PDLIM7: variants seen among roughly 807,000 people sequenced by gnomAD.
The protein encoded by PDLIM7 is PDZ and LIM domain 7, also known as PDZ and LIM domain protein 7.
In PDLIM7, 37 loss-of-function variants were observed where a neutral mutation model predicts 53.9. The observed-to-expected ratio is 0.69, with a 90% CI of 0.53 to 0.90. The LOEUF (loss-of-function observed/expected upper bound fraction) is 0.90, where lower values mean the gene tolerates loss of function less well. Ranked by LOEUF, PDLIM7 falls within the 40% of genes least tolerant of loss-of-function variation. PDLIM7 has a pLI of 0.00. For missense variants in PDLIM7, 617 were observed against 638.5 expected, an observed-to-expected ratio of 0.97 and a Z score of 0.36; for synonymous variants, 300 against 261.3, an observed-to-expected ratio of 1.15 and a Z score of -1.43.
intron 7 of PDLIM7, 134 bp from the exon 8 acceptor site, chr5:177,489,966 C>G: frequency 6.5e-7 from 1 of 1,536,252 alleles, no homozygotes; most frequent in South Asian, 1.2e-5. Flanking sequence ...CCAGGTCCCA[C>G]TGGGGTAGGG....
chr5:177,494,736 C>G (rs1182813908), intron 2 of PDLIM7, among the ~76,000 whole-genome samples: 4 of 152,038 alleles, frequency 2.6e-5, no homozygotes, highest in Non-Finnish European at 4.4e-5. Context: ...CCAGAGGAAC[C>G]AAGGAGGGAA....
At position 177,496,453 on chromosome 5, in the gene PDLIM7, C is replaced by T; in HGVS notation, c.60G>A (p.Gly20=). The part of the protein sequence containing the change: ...GPAPWGFRLQ[G]GKDFNVPLSI... ...AGAGGGGCACATTGAAGTCCTTGCC[C>T]CCTTGCAGCCGGAAGCCCCAAGGTG... The change falls in exon 2 of 13, where the codon GGG becomes GGA. Residue 20 remains glycine (G), a synonymous_variant. Coordinates refer to ENST00000355841, the MANE Select transcript of PDLIM7 (RefSeq NM_005451.5). 1 of 1,604,436 alleles carries T rather than the reference C, an allele frequency of 6.2e-7. No homozygotes were observed. Among genetic ancestry groups the T allele is most frequent in the Non-Finnish European group, 8.5e-7 (1 of 1,175,352 alleles).
chr5:177,486,724 T>C (rs372897838), intron 10 of PDLIM7, among the ~76,000 whole-genome samples: 132 of 151,896 alleles, frequency 8.7e-4, no homozygotes, highest in South Asian at 3.1e-3. Context: ...CTGCAAGCTC[T>C]GCCTCCCAGG....
intron 5 of PDLIM7, 127 bp from the exon 6 acceptor site, chr5:177,491,273 A>G: frequency 7.0e-7 from 1 of 1,431,664 alleles, no homozygotes; most frequent in African/African-American, 1.4e-5. Context: ...TGAGGCCAGG[A>G]GCCCTGCTGG....
chr5:177,489,253 C>T lies in PDLIM7; in HGVS notation c.869+140G>A. 10 of 685,328 alleles carry T rather than the reference C, an allele frequency of 1.5e-5. No homozygotes were observed. In the South Asian group the frequency reaches 1.6e-4, roughly 11 times the overall value. The allele number at this position is 685,328 out of a possible 1,614,324, so 42.5% of individuals were successfully genotyped here. ...TGGGATTAAGAATGGGAGGACCCAG[C>T]CCAGGTCCCTACTCCTACTCCAGCT... On this transcript the variant is annotated intron_variant, in intron 9 of 12. Transcript: ENST00000355841.
At chr5:177,484,277 C>T (rs1758327120) in intron 10 of PDLIM7, 87 bp from the exon 11 acceptor site, 1 of 1,529,802 alleles carries the variant, frequency 6.5e-7, no homozygotes, top group Non-Finnish European at 8.9e-7. Flanking sequence ...TGGCCGCAAG[C>T]CCTGTTCCTT....
Position 177,484,143 on chromosome 5 carries a change from G to A in PDLIM7, c.1098C>T (p.Thr366=), listed in dbSNP as rs1036041936. 10 of 1,613,828 alleles carry A rather than the reference G, an allele frequency of 6.2e-6. No homozygotes were observed. Among genetic ancestry groups the A allele is most frequent in the South Asian group, 1.1e-5 (1 of 91,090 alleles). ...GGATGGGCGTCTTGCAGGCAGCACAGGTAAAGCAGTGCACGTGCCAGGTCA... is the reference window on the plus strand; with the variant it reads ...GGATGGGCGTCTTGCAGGCAGCACAAGTAAAGCAGTGCACGTGCCAGGTCA... The part of the protein sequence containing the change: ...LKMTWHVHCF[T]CAACKTPIRN... Residue 366 remains threonine (T), a synonymous_variant, in exon 11 of 13, where the codon ACC becomes ACT. Transcript: ENST00000355841.
chr5:177,484,381 C>T (rs1297454456), intron 10 of PDLIM7, 191 bp from the exon 11 acceptor site: 20 of 628,666 alleles, frequency 3.2e-5, no homozygotes, highest in Non-Finnish European at 4.4e-5. Context: ...CGCCTTCAGA[C>T]TTGCCATGTC....
chr5:177,491,750 GCGTGGGGCCA>G (rs1758798630), intron 5 of PDLIM7, 47 bp downstream of exon 5: 12 of 843,284 alleles, frequency 1.4e-5, no homozygotes, highest in Non-Finnish European at 2.0e-5. Flanking sequence ...CGGGCAGCGG[GCGTGGGGCCA>G]CAGTGGGCCT....
rs1758647204 is a variant in PDLIM7, at chr5:177,489,683, G to A, written c.635-56C>T. 6.0e-6 allele frequency: 9 copies of A among 1,500,782 alleles called. No individual in the cohort carries two copies. In the South Asian group the frequency reaches 7.7e-5, roughly 13 times the overall value. 93.0% of individuals were successfully genotyped at this position (1,500,782 alleles called of 1,614,324 possible). A position where few individuals can be genotyped will look rare whatever the true frequency, so the allele number is the denominator to read the frequency against. On this transcript the variant is annotated intron_variant, in intron 8 of 12. Coordinates refer to ENST00000355841, the MANE Select transcript of PDLIM7 (RefSeq NM_005451.5). ...CCAGGGACCCCAAAGGACGGGGGTG[G>A]AGCCCCAGGCAGCTGAGAGAAGCCC...
At chr5:177,496,061 A>G (rs1332907477) in intron 2 of PDLIM7, among the ~76,000 whole-genome samples, 2 of 152,094 alleles carry the variant, frequency 1.3e-5, no homozygotes, top group African/African-American at 2.4e-5. Context: ...CTATAGTCAC[A>G]GTGTCCTGCC....
At position 177,492,431 on chromosome 5, in the gene PDLIM7, G is replaced by A. The variant is rs1473630061; in HGVS notation, c.253C>T (p.Gln85Ter). 6.2e-7 allele frequency: 1 copy of A among 1,613,672 alleles called. No individual in the cohort carries two copies. The highest frequency in any genetic ancestry group is 8.5e-7 in the Non-Finnish European group (1 of 1,179,790). Residue 85 changes from glutamine to a stop codon, truncating the protein, a stop_gained, in exon 4 of 13, where the codon CAG becomes TAG. Coordinates refer to ENST00000355841, the MANE Select transcript of PDLIM7 (RefSeq NM_005451.5). LOFTEE classifies it high-confidence loss of function. The part of the protein sequence containing the change: ...ERLSLGLSRA[Q>*]PVQSKPQKAS... The stretch of plus-strand genomic sequence containing the variant: ...TTCTGCGGTTTGCTCTGAACCGGCT[G>A]GGCCCTGGAGGAGAAGGAAAGCGTG...
intron 7 of PDLIM7, 175 bp downstream of exon 7, chr5:177,490,695 A>T (rs1758710419): frequency 2.1e-6 from 2 of 943,932 alleles, no homozygotes; most frequent in African/African-American, 3.4e-5. Context: ...GAAATGAAAG[A>T]AGGAAGGAAG....
intron 4 of PDLIM7, 127 bp downstream of exon 4, chr5:177,492,278 A>C: frequency 3.2e-6 from 4 of 1,241,082 alleles, no homozygotes; most frequent in Non-Finnish European, 4.5e-6. Context: ...GACCCGCCTT[A>C]GCTCCGGTTT....
Position 177,483,486 on chromosome 5 carries a change from G to A in PDLIM7, c.*158C>T. The A allele has an allele frequency of 1.7e-6, 1 of 598,288 alleles. No individual in the cohort carries two copies. Among genetic ancestry groups the A allele is most frequent in the Non-Finnish European group, 3.0e-6 (1 of 333,064 alleles). 37.1% of individuals were successfully genotyped at this position (598,288 alleles called of 1,614,324 possible). On this transcript the variant is annotated 3_prime_UTR_variant, in exon 13 of 13. Coordinates refer to ENST00000355841, the MANE Select transcript of PDLIM7 (RefSeq NM_005451.5). ...GCTGTGGTGGTGGAGGGAGTGGGGT[G>A]GGAGGATAAGGTGGGTGGGGCAGGG...
intron 7 of PDLIM7, chr5:177,490,296 C>T (rs1292594824): frequency 4.8e-6 from 7 of 1,443,462 alleles, no homozygotes; most frequent in African/African-American, 1.4e-5. Context: ...ACCTGGCAGA[C>T]AGCAGTACCA....
intron 10 of PDLIM7, among the ~76,000 whole-genome samples, chr5:177,486,337 AC>A (rs1758437076): frequency 6.6e-6 from 1 of 152,204 alleles, no homozygotes; most frequent in Admixed American, 6.5e-5. Flanking sequence ...TCTGCCCTCC[AC>A]AACACCTGTA....
chr5:177,494,640 G>A (rs1758973819), intron 2 of PDLIM7, among the ~76,000 whole-genome samples: 1 of 152,162 alleles, frequency 6.6e-6, no homozygotes, highest in African/African-American at 2.4e-5. Context: ...TCAGAGCGTG[G>A]GGAGGGCAGC....
chr5:177,484,030 C>A (rs757638659), intron 11 of PDLIM7, 40 bp downstream of exon 11: 13 of 1,613,540 alleles, frequency 8.1e-6, no homozygotes, highest in East Asian at 2.2e-5. Context: ...ATGCCTGCCC[C>A]ATGCACCATC....
Sources: gnomAD v4.1 joint callset for allele counts (sites outside exome capture counted in the v4.1 genomes callset) on GRCh38, gnomAD v4.1.1 for gene constraint, MANE v1.5 for transcripts, NCBI Gene and HGNC (gene_info 2026-07-23, HGNC 2026-07-21) for gene names.